The following NR2F1-AS1 variants were observed in gnomAD, a reference collection of about 807,000 sequenced individuals.
NR2F1-AS1 encodes NR2F1 regulatory antisense RNA 1, also known as NR2F1 antisense RNA 1.
At chr5:93,518,837 C>T (rs1028927304) in intron 4 of NR2F1-AS1, among the ~76,000 whole-genome samples, 1 of 152,042 alleles carries the variant, frequency 6.6e-6, no homozygotes, top group African/African-American at 2.4e-5. Flanking sequence ...CTGATAATTT[C>T]ATCCACAGTA....
intron 2 of NR2F1-AS1, among the ~76,000 whole-genome samples, chr5:93,555,393 T>A (rs926858885): frequency 5.3e-5 from 8 of 152,086 alleles, no homozygotes; most frequent in African/African-American, 1.9e-4. Flanking sequence ...TTAGTGGAAA[T>A]AAGGTAAAAA....
At chr5:93,433,474 G>A (rs1318790089) in intron 4 of NR2F1-AS1, among the ~76,000 whole-genome samples, 3 of 152,162 alleles carry the variant, frequency 2.0e-5, no homozygotes, top group African/African-American at 7.2e-5. Flanking sequence ...CTCTTTTGAC[G>A]TAATGAATGC....
chr5:93,422,061 T>C (rs952711391), intron 4 of NR2F1-AS1, among the ~76,000 whole-genome samples: 7 of 152,246 alleles, frequency 4.6e-5, no homozygotes, highest in Non-Finnish European at 7.3e-5. Flanking sequence ...CTATGAGCTA[T>C]GTGCTGGCGT....
intron 4 of NR2F1-AS1, among the ~76,000 whole-genome samples, chr5:93,473,996 CAG>C (rs892405628): frequency 5.3e-5 from 8 of 151,950 alleles, no homozygotes; most frequent in Non-Finnish European, 7.4e-5. Context: ...GATTAATAAA[CAG>C]AGCTAAAAGA....
intron 2 of NR2F1-AS1, among the ~76,000 whole-genome samples, chr5:93,558,964 A>T (rs1476303114): frequency 6.6e-6 from 1 of 152,212 alleles, no homozygotes; most frequent in African/African-American, 2.4e-5. Flanking sequence ...TGGAATGGCA[A>T]ATGAGCATTG....
At chr5:93,483,652 T>C (rs1296110540) in intron 4 of NR2F1-AS1, among the ~76,000 whole-genome samples, 1 of 152,166 alleles carries the variant, frequency 6.6e-6, no homozygotes, top group African/African-American at 2.4e-5. Flanking sequence ...CAAACTCCTC[T>C]GAGCTAAAGG....
upstream of NR2F1-AS1, among the ~76,000 whole-genome samples, chr5:93,581,747 T>C (rs1236231318): frequency 1.2e-3 from 34 of 27,558 alleles, 2 homozygotes; most frequent in African/African-American, 5.2e-3. Context: ...CCTCTCCCTC[T>C]CCCTCTCCCT....
chr5:93,512,276 G>A (rs1201802941), intron 4 of NR2F1-AS1, among the ~76,000 whole-genome samples: 1 of 152,034 alleles, frequency 6.6e-6, no homozygotes, highest in Non-Finnish European at 1.5e-5. Flanking sequence ...AGTTTTAACA[G>A]TAAAAAAATT....
At chr5:93,437,935 T>C (rs1277131500) in intron 4 of NR2F1-AS1, among the ~76,000 whole-genome samples, 1 of 152,218 alleles carries the variant, frequency 6.6e-6, no homozygotes, top group Non-Finnish European at 1.5e-5. Context: ...AGCATTCTCT[T>C]ACTGTTGAAA....
chr5:93,469,258 C>A (rs140951449), intron 4 of NR2F1-AS1, among the ~76,000 whole-genome samples: 1 of 152,120 alleles, frequency 6.6e-6, no homozygotes, highest in African/African-American at 2.4e-5. Context: ...TATGGTATGG[C>A]CTATTGTAGG....
intron 4 of NR2F1-AS1, among the ~76,000 whole-genome samples, chr5:93,503,567 T>C (rs1222435264): frequency 6.6e-6 from 1 of 152,170 alleles, no homozygotes; most frequent in Non-Finnish European, 1.5e-5. Context: ...CCAGAACTAA[T>C]AAGAGAGGTC....
upstream of NR2F1-AS1, among the ~76,000 whole-genome samples, chr5:93,582,639 C>T (rs757964284): frequency 3.9e-5 from 6 of 152,188 alleles, no homozygotes; most frequent in Non-Finnish European, 7.3e-5. Flanking sequence ...ATGACACTCT[C>T]TTCACGCTCA....
intron 4 of NR2F1-AS1, among the ~76,000 whole-genome samples, chr5:93,415,456 A>G (rs1322918100): frequency 6.6e-6 from 1 of 152,224 alleles, no homozygotes; most frequent in African/African-American, 2.4e-5. Flanking sequence ...AGTATTTCCA[A>G]TAAAGATCTG....
intron 4 of NR2F1-AS1, among the ~76,000 whole-genome samples, chr5:93,416,541 C>T (rs1748971188): frequency 6.6e-6 from 1 of 152,156 alleles, no homozygotes; most frequent in Admixed American, 6.5e-5. Flanking sequence ...ATAACAGCAA[C>T]AGCTGACATG....
intron 4 of NR2F1-AS1, among the ~76,000 whole-genome samples, chr5:93,519,595 G>A (rs1244776926): frequency 6.6e-6 from 1 of 151,918 alleles, no homozygotes; most frequent in Admixed American, 6.6e-5. Context: ...ATATATAAGT[G>A]TATATTAAAT....
chr5:93,433,232 T>C (rs963522185), intron 4 of NR2F1-AS1, among the ~76,000 whole-genome samples: 2 of 152,200 alleles, frequency 1.3e-5, no homozygotes, highest in Non-Finnish European at 2.9e-5. Flanking sequence ...GATAATTTAT[T>C]TTCTTCTTCG....
chr5:93,545,700 T>C (rs1037450459), intron 4 of NR2F1-AS1, among the ~76,000 whole-genome samples: 7 of 152,258 alleles, frequency 4.6e-5, no homozygotes, highest in African/African-American at 1.7e-4. Flanking sequence ...CTGGATACAC[T>C]GTAATACTTT....
At chr5:93,552,671 CAA>C (rs774291890) in intron 4 of NR2F1-AS1, among the ~76,000 whole-genome samples, 9 of 61,648 alleles carry the variant, frequency 1.5e-4, no homozygotes, top group Admixed American at 1.8e-4. Context: ...ATAACAATTA[CAA>C]AAAAAAAAAA....
At chr5:93,513,829 T>A (rs1373580021) in intron 4 of NR2F1-AS1, among the ~76,000 whole-genome samples, 1 of 152,136 alleles carries the variant, frequency 6.6e-6, no homozygotes, top group Non-Finnish European at 1.5e-5. Context: ...TATTCTTTAA[T>A]GTCTCCTGGA....
Sources: allele counts gnomAD v4.1 joint callset (sites outside exome capture counted in the v4.1 genomes callset), GRCh38; gene constraint gnomAD v4.1.1; transcripts MANE v1.5; gene names NCBI Gene and HGNC (gene_info 2026-07-23, HGNC 2026-07-21).